The following EBF4 variants were observed in gnomAD, a reference collection of about 807,000 sequenced individuals.
The protein encoded by EBF4 is EBF transcription factor 4.
A neutral mutation model predicts 67.1 loss-of-function variants in EBF4; 34 were observed. The ratio of observed to expected loss-of-function variants is 0.51; its 90% confidence interval spans 0.39 to 0.67. The LOEUF (loss-of-function observed/expected upper bound fraction) is 0.67, where lower values mean the gene tolerates loss of function less well. EBF4 is among the 30% of genes least tolerant of loss of function. EBF4 has a pLI of 0.00. For missense variants in EBF4, 837 were observed against 873.3 expected (o/e 0.96, Z 0.52); for synonymous variants, 387 against 377.7 (o/e 1.02, Z -0.29).
chr20:2,704,381 C>T (rs1420090119), intron 1 of EBF4, among the ~76,000 whole-genome samples: 2 of 152,322 alleles, frequency 1.3e-5, no homozygotes, highest in East Asian at 3.9e-4. Flanking sequence ...CTAAGGAACA[C>T]ACTTTGGAAG....
Position 2,755,439 on chromosome 20 carries a change from T to G in EBF4, c.1541-188T>G. On this transcript the variant is annotated intron_variant, in intron 14 of 16. Transcript: ENST00000609451. This position sits in a 1 kb window ranked among gnomAD's most constrained non-coding sequence, Gnocchi z 4.7. ...TGTCATCCCCAGCCCCGAGAAAAGG[T>G]CTCCAGAACCGCTGAGAGGTCAGGG... The G allele has an allele frequency of 1.8e-6, 1 of 568,396 alleles. No homozygotes were observed. The highest frequency in any genetic ancestry group is 3.1e-6 in the Non-Finnish European group (1 of 319,620). The allele number at this position is 568,396 out of a possible 1,614,324, so 35.2% of individuals were successfully genotyped here. A position where few individuals can be genotyped will look rare whatever the true frequency, so the allele number is the denominator to read the frequency against.
At chr20:2,759,297 T>G (rs2088291013) in exon 17 of EBF4, 2 of 404,106 alleles carry the variant, frequency 4.9e-6, no homozygotes, top group Admixed American at 3.6e-5. Flanking sequence ...GAGCCCGGAC[T>G]GGAGGTCCCT....
chr20:2,755,764 C>G lies in EBF4; in HGVS notation c.1678C>G (p.Leu560Val), dbSNP rs1399527839. Residue 560 changes from leucine (L) to valine (V), a missense_variant, in exon 15 of 17, where the codon CTG (leucine) becomes GTG (valine). By Grantham distance (32) the Leu-to-Val change is conservative. Coordinates refer to ENST00000609451, the Ensembl canonical transcript of EBF4. The surrounding 1 kb of genome is among the most constrained non-coding windows in gnomAD (Gnocchi z 4.7). Reference sequence around the variant, plus strand: ...ACAGAGGAGCGCCTTCGCCCCCGTGCTGCGCCCCCCAAGCTCCCCACCCCA... The same window carrying G: ...ACAGAGGAGCGCCTTCGCCCCCGTGGTGCGCCCCCCAAGCTCCCCACCCCA... The G allele has an allele frequency of 1.9e-6, 3 of 1,550,518 alleles. No homozygotes were observed. Among genetic ancestry groups the G allele is most frequent in the South Asian group, 2.4e-5 (2 of 84,058 alleles).
chr20:2,697,653 C>G (rs1327151073), intron 1 of EBF4, among the ~76,000 whole-genome samples: 1 of 152,108 alleles, frequency 6.6e-6, no homozygotes, highest in African/African-American at 2.4e-5. Flanking sequence ...GCTGCCCTCT[C>G]CCTACCAATG....
In EBF4 at chr20:2,755,582, A is replaced by G. The variant is rs1391026149; in HGVS notation, c.1541-45A>G. ...GTGCTGTCTCCCTGTTGTGTCTCCC[A>G]CCACCTTCCCTGCTGCGCCTGCCCC... On this transcript the variant is annotated intron_variant, in intron 14 of 16. Transcript: ENST00000609451. The surrounding 1 kb of genome is among the most constrained non-coding windows in gnomAD (Gnocchi z 4.7). The G allele has an allele frequency of 4.1e-6, 4 of 979,886 alleles. No individual in the cohort carries two copies. The highest frequency in any genetic ancestry group is 1.4e-5 in the South Asian group (1 of 71,136). The allele number at this position is 979,886 out of a possible 1,614,324, so 60.7% of individuals were successfully genotyped here. A position where few individuals can be genotyped will look rare whatever the true frequency, so the allele number is the denominator to read the frequency against.
At chr20:2,695,451 C>A (rs1253216803) in intron 1 of EBF4, among the ~76,000 whole-genome samples, 1 of 151,662 alleles carries the variant, frequency 6.6e-6, no homozygotes, top group African/African-American at 2.4e-5. Flanking sequence ...GGTGTCCAGT[C>A]TGACTCCCCA....
exon 2 of EBF4, chr20:2,705,667 C>T (rs539502560): frequency 2.3e-5 from 35 of 1,552,388 alleles, no homozygotes; most frequent in African/African-American, 9.6e-5. Context: ...TGGCCATGTA[C>T]GACCGGCAGG....
chr20:2,704,195 G>C (rs530518962), intron 1 of EBF4, among the ~76,000 whole-genome samples: 2 of 152,144 alleles, frequency 1.3e-5, no homozygotes, highest in Admixed American at 1.3e-4. Context: ...TGAATCCCAG[G>C]GGGTGGGGCT....
At chr20:2,733,467 AT>A (rs2087841206) in intron 6 of EBF4, among the ~76,000 whole-genome samples, 1 of 152,156 alleles carries the variant, frequency 6.6e-6, no homozygotes, top group African/African-American at 2.4e-5. Flanking sequence ...TACTGAGCAC[AT>A]TTAGGAAATT....
chr20:2,752,253 G>C (rs1320040343), exon 13 of EBF4: 3 of 1,275,082 alleles, frequency 2.4e-6, no homozygotes, highest in East Asian at 3.3e-5. Context: ...CCACCCCGGG[G>C]CCCGAGCCGG....
At chr20:2,700,350 C>G (rs1466298301) in intron 1 of EBF4, among the ~76,000 whole-genome samples, 1 of 152,214 alleles carries the variant, frequency 6.6e-6, no homozygotes, top group African/African-American at 2.4e-5. Flanking sequence ...ATACTTGCCT[C>G]TCCAGGCTTC....
At position 2,693,681 on chromosome 20, in the gene EBF4, G is replaced by A. The variant is rs1428473007; in HGVS notation, c.36G>A (p.Gly12=). Residue 12 remains glycine, a synonymous_variant, in exon 1 of 17, where the codon GGG becomes GGA. Transcript: ENST00000609451. This position sits in a 1 kb window ranked among gnomAD's most constrained non-coding sequence, Gnocchi z 4.6. The stretch of plus-strand genomic sequence containing the variant: ...CGCAGGACGCTCTGCCCCGCAGCGG[G>A]CTGAACCTGAAGGAGGAGCCGCTGC... 2.8e-6 allele frequency: 4 copies of A among 1,441,198 alleles called. No homozygotes were observed. Among genetic ancestry groups the A allele is most frequent in the East Asian group, 3.0e-5 (1 of 33,076 alleles). 89.3% of individuals were successfully genotyped at this position (1,441,198 alleles called of 1,614,324 possible).
At chr20:2,729,618 T>G (rs2146443002) in intron 6 of EBF4, among the ~76,000 whole-genome samples, 1 of 152,152 alleles carries the variant, frequency 6.6e-6, no homozygotes, top group East Asian at 1.9e-4. Context: ...CAGTTCCTAT[T>G]TTTCACCCTA....
chr20:2,756,599 G>C lies in EBF4; in HGVS notation c.1738+775G>C, dbSNP rs1273226719. On this transcript the variant is annotated intron_variant, in intron 15 of 16. Coordinates refer to ENST00000609451, the Ensembl canonical transcript of EBF4. The surrounding 1 kb of genome is among the most constrained non-coding windows in gnomAD (Gnocchi z 4.5). ...TTCTGGCTAAGGGATGCTTCCACGG[G>C]ATCCCCTAGGACTCAATCTGGCATG... Among the ~76,000 whole-genome samples, 10 of 152,210 alleles carry C rather than the reference G, an allele frequency of 6.6e-5. No individual in the cohort carries two copies. Among genetic ancestry groups the C allele is most frequent in the Non-Finnish European group, 1.5e-4 (10 of 68,038 alleles).
chr20:2,719,377 C>T (rs551767265), intron 6 of EBF4, among the ~76,000 whole-genome samples: 20 of 152,326 alleles, frequency 1.3e-4, no homozygotes, highest in East Asian at 9.6e-4. Context: ...CAGGCTCAAG[C>T]GATTCTCCTG....
At chr20:2,749,803 C>T (rs1297846131) in intron 9 of EBF4, 44 bp from the exon 10 acceptor site, 2 of 1,541,564 alleles carry the variant, frequency 1.3e-6, no homozygotes, top group Admixed American at 2.0e-5. Context: ...TGGGCCCTCC[C>T]CTCGCCGGTG....
intron 6 of EBF4, among the ~76,000 whole-genome samples, chr20:2,717,306 A>T (rs988566512): frequency 6.6e-6 from 1 of 152,222 alleles, no homozygotes; most frequent in African/African-American, 2.4e-5. Flanking sequence ...GACAAAAAAA[A>T]CCTGTTCTCC....
At position 2,739,614 on chromosome 20, in the gene EBF4, T is replaced by C. The variant is rs2087939987; in HGVS notation, c.558-8935T>C. ...AATCTTTTTAAGTGGGTGTATGGAATGAATGAGGGGATGAATGGCCCAGCC... is the reference window on the plus strand; with the variant it reads ...AATCTTTTTAAGTGGGTGTATGGAACGAATGAGGGGATGAATGGCCCAGCC... On this transcript the variant is annotated intron_variant, in intron 6 of 16. Coordinates refer to ENST00000609451, the Ensembl canonical transcript of EBF4. This position sits in a 1 kb window ranked among gnomAD's most constrained non-coding sequence, Gnocchi z 4.5. 6.6e-6 allele frequency among the ~76,000 whole-genome samples: 1 copy of C among 152,224 alleles called. No individual in the cohort carries two copies. The highest frequency in any genetic ancestry group is 2.4e-5 in the African/African-American group (1 of 41,454).
chr20:2,741,217 T>C (rs2087963327), intron 6 of EBF4, among the ~76,000 whole-genome samples: 1 of 151,848 alleles, frequency 6.6e-6, no homozygotes, highest in African/African-American at 2.4e-5. Flanking sequence ...GAGGCTGAGG[T>C]GAGAGGATCA....
Sources: allele counts gnomAD v4.1 joint callset (sites outside exome capture counted in the v4.1 genomes callset), GRCh38; gene constraint gnomAD v4.1.1; non-coding constraint Gnocchi (gnomAD v3.1); transcripts MANE v1.5; gene names NCBI Gene and HGNC (gene_info 2026-07-23, HGNC 2026-07-21).